POLR2F: variants seen among roughly 807,000 people sequenced by gnomAD.
POLR2F encodes the protein RNA polymerase II, I and III subunit F.
POLR2F carries 12 observed loss-of-function variants against 22.7 expected under a neutral mutation model. That is an observed-to-expected ratio of 0.53 (90% CI 0.34 to 0.86). The LOEUF (loss-of-function observed/expected upper bound fraction) is 0.86. Among genes scored for constraint, POLR2F ranks in the 40% least tolerant of loss-of-function variants. The pLI, the probability that POLR2F is intolerant of heterozygous loss-of-function variation, is 0.02. For missense variants in POLR2F, 126 were observed against 171.5 expected (o/e 0.73, Z 1.48); for synonymous variants, 57 against 66.0 (o/e 0.86, Z 0.66).
upstream of POLR2F, among the ~76,000 whole-genome samples, chr22:37,982,237 C>G (rs1932421838): frequency 6.6e-6 from 1 of 152,170 alleles, no homozygotes; most frequent in South Asian, 2.1e-4. Context: ...GTCCTGGGTT[C>G]TGGCCCTGGC....
In POLR2F at chr22:37,968,321, C is replaced by G. The variant is rs1399950372; in HGVS notation, c.*606C>G. 2.0e-6 allele frequency: 2 copies of G among 985,814 alleles called. No homozygotes were observed. The highest frequency in any genetic ancestry group is 3.5e-5 in the African/African-American group (2 of 57,252). The allele number at this position is 985,814 out of a possible 1,614,324, so 61.1% of individuals were successfully genotyped here. ...GAGCAAGGACCGAGCACCTGCCTAC[C>G]CCTGCCCCCATGGCTCTGTCCCCAC... On this transcript the variant is annotated 3_prime_UTR_variant, in exon 5 of 5. Transcript: ENST00000442738.
chr22:37,960,628 C>T (rs1931595757), intron 3 of POLR2F, among the ~76,000 whole-genome samples: 1 of 151,770 alleles, frequency 6.6e-6, no homozygotes, highest in Non-Finnish European at 1.5e-5. Context: ...GTCTCTTTCT[C>T]CTGACCTCAT....
chr22:37,995,802 G>C (rs1006607827), intron 1 of POLR2F, among the ~76,000 whole-genome samples: 2 of 150,710 alleles, frequency 1.3e-5, no homozygotes, highest in Non-Finnish European at 2.9e-5. Flanking sequence ...CTTTCTACTT[G>C]TTATCATGGC....
chr22:37,960,018 A>G (rs139869), intron 3 of POLR2F, among the ~76,000 whole-genome samples: 31,837 of 151,840 alleles, frequency 0.21, 3,557 homozygotes, highest in Middle Eastern at 0.29. Context: ...TGCCTAGGCT[A>G]GTCTCGAACG....
intron 1 of POLR2F, among the ~76,000 whole-genome samples, chr22:38,024,565 A>C (rs2084989903): frequency 6.6e-6 from 1 of 152,070 alleles, no homozygotes; most frequent in South Asian, 2.1e-4. Context: ...ACAAGACATT[A>C]TGGGGGTGCA....
upstream of POLR2F, among the ~76,000 whole-genome samples, chr22:37,983,151 G>A (rs915820822): frequency 1.1e-4 from 17 of 152,208 alleles, no homozygotes; most frequent in African/African-American, 4.1e-4. This position sits in a 1 kb window ranked among gnomAD's most constrained non-coding sequence, Gnocchi z 9.5. Flanking sequence ...CCCGTAGGGA[G>A]ACCCGGCCTA....
rs765610034 is a variant in POLR2F at position 37,997,841 on chromosome 22, A to G, written c.120+11529A>G. ...ACAGCTCACCGTCTGTCGAGGGGGGACAGGCAGGAGGTAAGGATGCGTCCG... is the reference window on the plus strand; with the variant it reads ...ACAGCTCACCGTCTGTCGAGGGGGGGCAGGCAGGAGGTAAGGATGCGTCCG... On this transcript the variant is annotated intron_variant, in intron 1 of 2. Coordinates refer to the POLR2F transcript ENST00000333418. This position sits in a 1 kb window ranked among gnomAD's most constrained non-coding sequence, Gnocchi z 4.4. Among the ~76,000 whole-genome samples, 1 of 151,832 alleles carries G rather than the reference A, an allele frequency of 6.6e-6. No individual in the cohort carries two copies. Among genetic ancestry groups the G allele is most frequent in the Non-Finnish European group, 1.5e-5 (1 of 67,952 alleles).
At position 37,978,282 on chromosome 22, in the gene POLR2F, C is replaced by T. The variant is rs60939052; in HGVS notation, c.293+11112C>T. The stretch of plus-strand genomic sequence containing the variant: ...CAGAGGACAGGACCCGGGGTGGGGG[C>T]TGTGCCCTATGATTTGTGGACTGAG... On this transcript the variant is annotated intron_variant, in intron 4 of 4. Coordinates refer to the POLR2F transcript ENST00000405557. This position sits in a 1 kb window ranked among gnomAD's most constrained non-coding sequence, Gnocchi z 5.0. 9.5e-3 allele frequency: 7,832 copies of T among 828,504 alleles called. 419 individuals are homozygous for T. The African/African-American group carries it at 0.12, about 13-fold the overall frequency. 51.3% of individuals were successfully genotyped at this position (828,504 alleles called of 1,614,324 possible). A position where few individuals can be genotyped will look rare whatever the true frequency, so the allele number is the denominator to read the frequency against.
chr22:37,998,781 GT>G (rs2084741285), intron 1 of POLR2F, among the ~76,000 whole-genome samples: 1 of 152,014 alleles, frequency 6.6e-6, no homozygotes, highest in African/African-American at 2.4e-5. Flanking sequence ...GTCATCTGGG[GT>G]GTCACTCAAG....
intron 1 of POLR2F, among the ~76,000 whole-genome samples, chr22:37,954,894 G>A (rs151035977): frequency 3.3e-5 from 5 of 152,258 alleles, no homozygotes; most frequent in East Asian, 1.9e-4. Flanking sequence ...AGCCGGGGAG[G>A]TGGGGGAACA....
chr22:38,029,733 A>G (rs550388075), downstream of POLR2F, among the ~76,000 whole-genome samples: 5 of 152,280 alleles, frequency 3.3e-5, no homozygotes, highest in East Asian at 9.7e-4. Context: ...CAAGCAAGCT[A>G]GGGAAGGCAG....
chr22:37,953,913 G>A (rs1931237748), intron 1 of POLR2F, 106 bp downstream of exon 1: 2 of 1,341,974 alleles, frequency 1.5e-6, no homozygotes, highest in East Asian at 2.4e-5. Flanking sequence ...TGTCTGAGGG[G>A]ACTGGGGTCC....
intron 4 of POLR2F, 118 bp from the exon 5 acceptor site, chr22:37,967,507 C>G (rs912320415): frequency 9.3e-6 from 14 of 1,504,754 alleles, no homozygotes; most frequent in African/African-American, 1.4e-5. Flanking sequence ...CACTCATCAG[C>G]CCCAAGAGGC....
rs1391933360 is a variant in POLR2F at position 37,974,518 on chromosome 22, A to G, written c.293+7348A>G. Among the ~76,000 whole-genome samples, 25 of 151,738 alleles carry G rather than the reference A, an allele frequency of 1.6e-4. No homozygotes were observed. The highest frequency in any genetic ancestry group is 1.6e-3 in the Admixed American group (25 of 15,248). On this transcript the variant is annotated intron_variant, in intron 4 of 4. Coordinates refer to the POLR2F transcript ENST00000405557. This position sits in a 1 kb window ranked among gnomAD's most constrained non-coding sequence, Gnocchi z 5.4. ...CAAGCGCCCACCACAATGCCCAGCTAATTTGTGTATTTTTAGTAGAGACGG... is the reference window on the plus strand; with the variant it reads ...CAAGCGCCCACCACAATGCCCAGCTGATTTGTGTATTTTTAGTAGAGACGG...
At chr22:37,981,250 CAGG>C (rs1394532675), upstream of POLR2F, among the ~76,000 whole-genome samples, 2 of 152,226 alleles carry the variant, frequency 1.3e-5, no homozygotes, top group Admixed American at 6.5e-5. Context: ...GGGGAGGTTT[CAGG>C]AGAAGCCCCT....
At chr22:38,028,644 G>A (rs1018819244), downstream of POLR2F, among the ~76,000 whole-genome samples, 2 of 152,160 alleles carry the variant, frequency 1.3e-5, no homozygotes, top group African/African-American at 4.8e-5. Flanking sequence ...GGGAGATAGA[G>A]AAGAAAGCAG....
chr22:37,994,910 G>C (rs1296192739), intron 1 of POLR2F, among the ~76,000 whole-genome samples: 1 of 152,224 alleles, frequency 6.6e-6, no homozygotes, highest in Non-Finnish European at 1.5e-5. Flanking sequence ...CTCCCAAAAT[G>C]CTGGGATTAT....
At position 37,978,015 on chromosome 22, in the gene POLR2F, G is replaced by T. The variant is rs771810177; in HGVS notation, c.293+10845G>T. 1 of 1,611,534 alleles carries T rather than the reference G, an allele frequency of 6.2e-7. No individual in the cohort carries two copies. Among genetic ancestry groups the T allele is most frequent in the African/African-American group, 1.3e-5 (1 of 74,930 alleles). On this transcript the variant is annotated intron_variant, in intron 4 of 4. Transcript: ENST00000405557. This position sits in a 1 kb window ranked among gnomAD's most constrained non-coding sequence, Gnocchi z 5.0. ...CGGGGCACTCCGCCTCGCCCTGGGC[G>T]GCCTTCCCGTTCTTCCGCCGCCTGG... is the stretch of plus-strand genomic sequence containing the variant.
In POLR2F at chr22:38,016,603, C is replaced by T. The variant is rs1331969988; in HGVS notation, c.121-9266C>T. Among the ~76,000 whole-genome samples, 2 of 152,166 alleles carry T rather than the reference C, an allele frequency of 1.3e-5. No homozygotes were observed. The highest frequency in any genetic ancestry group is 2.4e-5 in the African/African-American group (1 of 41,444). On this transcript the variant is annotated intron_variant, in intron 1 of 2. Coordinates refer to the POLR2F transcript ENST00000333418. The surrounding 1 kb of genome is among the most constrained non-coding windows in gnomAD (Gnocchi z 4.4). The stretch of plus-strand genomic sequence containing the variant: ...CTGCGCGCGACGTTGACATTGTTCC[C>T]ACCATTCTAAGTGCAACAAATCCCT...
Sources: gnomAD v4.1 joint callset for allele counts (sites outside exome capture counted in the v4.1 genomes callset) on GRCh38, gnomAD v4.1.1 for gene constraint, Gnocchi (gnomAD v3.1) non-coding constraint, MANE v1.5 for transcripts, NCBI Gene and HGNC (gene_info 2026-07-23, HGNC 2026-07-21) for gene names.